ADCY8: variants seen among roughly 807,000 people sequenced by gnomAD.
The protein encoded by ADCY8 is adenylate cyclase 8.
ADCY8 carries 51 observed loss-of-function variants against 119.7 expected under a neutral mutation model. The ratio of observed to expected loss-of-function variants is 0.43; its 90% CI spans 0.34 to 0.54. The LOEUF (loss-of-function observed/expected upper bound fraction) is 0.54, where lower values mean the gene tolerates loss of function less well. Among genes scored for constraint, ADCY8 ranks in the 20% least tolerant of loss-of-function variants. The pLI, the probability that ADCY8 is intolerant of heterozygous loss-of-function variation, is 0.03. For synonymous variants in ADCY8, 665 were observed against 651.0 expected, an observed-to-expected ratio of 1.02 and a Z score of -0.33; for missense variants, 1,383 against 1,598.8, an observed-to-expected ratio of 0.87 and a Z score of 2.30.
At chr8:130,943,497 G>GGGGGGGGGCCC in intron 3 of ADCY8, 35 bp from the exon 4 acceptor site, 2 of 491,354 alleles carry the variant, frequency 4.1e-6, no homozygotes, top group East Asian at 5.4e-5. Context: ...GTGGGGGGAG[G>GGGGGGGGGCCC]AAGTATATTA....
At position 130,873,316 on chromosome 8, in the gene ADCY8, CTCTG is replaced by C. The variant is rs1200923258; in HGVS notation, c.2110-5374_2110-5371del. On this transcript the variant is annotated intron_variant, in intron 8 of 17. Transcript: ENST00000286355. The stretch of plus-strand genomic sequence containing the variant: ...GTTAATTGCCTAAACTGTAACTGTA[CTCTG>C]TCTTTTTTTTTTTTGAGACACGAGT... Among the ~76,000 whole-genome samples the C allele has an allele frequency of 5.3e-5, 8 of 152,034 alleles. No homozygotes were observed. The East Asian group carries it at 1.4e-3, about 26-fold the overall frequency.
intron 3 of ADCY8, among the ~76,000 whole-genome samples, chr8:130,943,892 A>T (rs777395590): frequency 1.1e-4 from 17 of 152,330 alleles, no homozygotes; most frequent in Non-Finnish European, 1.9e-4. Flanking sequence ...AAACCTCATC[A>T]TCTTGAACCC....
At chr8:130,812,852 CAT>C (rs1191248503) in intron 14 of ADCY8, among the ~76,000 whole-genome samples, 26 of 151,894 alleles carry the variant, frequency 1.7e-4, no homozygotes, top group Middle Eastern at 6.9e-3. Context: ...ATGTATCACA[CAT>C]ATATGCATAC....
chr8:130,820,495 G>C (rs1311989667), intron 13 of ADCY8, among the ~76,000 whole-genome samples: 1 of 152,208 alleles, frequency 6.6e-6, no homozygotes, highest in South Asian at 2.1e-4. Context: ...CTCCCCAAGC[G>C]ACGAACGTTC....
chr8:130,983,114 G>A (rs1427774285), intron 2 of ADCY8, among the ~76,000 whole-genome samples: 1 of 152,158 alleles, frequency 6.6e-6, no homozygotes, highest in Non-Finnish European at 1.5e-5. Context: ...CCTCAAAAGG[G>A]ATAATAAAAG....
At chr8:131,039,130 T>C (rs898049064) in intron 1 of ADCY8, among the ~76,000 whole-genome samples, 1 of 152,034 alleles carries the variant, frequency 6.6e-6, no homozygotes, top group Non-Finnish European at 1.5e-5. Flanking sequence ...GATGTCAGAG[T>C]AGAATTACTC....
intron 5 of ADCY8, among the ~76,000 whole-genome samples, chr8:130,926,950 T>C (rs1384946144): frequency 6.6e-6 from 1 of 151,524 alleles, no homozygotes; most frequent in East Asian, 1.9e-4. Context: ...CATATATATA[T>C]ATATATATAT....
chr8:130,900,607 C>G (rs902844030), intron 7 of ADCY8, among the ~76,000 whole-genome samples: 1 of 152,216 alleles, frequency 6.6e-6, no homozygotes, highest in East Asian at 1.9e-4. Context: ...ATGCCATACT[C>G]TAGGCTTCTG....
chr8:130,834,025 T>C (rs1314638123), intron 12 of ADCY8, among the ~76,000 whole-genome samples: 1 of 152,026 alleles, frequency 6.6e-6, no homozygotes, highest in East Asian at 1.9e-4. Flanking sequence ...TACTTGAAAA[T>C]TGCTAAGAGA....
At chr8:130,945,116 A>G (rs1935327543) in intron 3 of ADCY8, among the ~76,000 whole-genome samples, 1 of 152,190 alleles carries the variant, frequency 6.6e-6, no homozygotes, top group Non-Finnish European at 1.5e-5. Context: ...GAATAAGTGT[A>G]TGTATCAAGG....
At chr8:130,816,422 T>TTTTC in intron 13 of ADCY8, among the ~76,000 whole-genome samples, 1 of 109,508 alleles carries the variant, frequency 9.1e-6, no homozygotes, top group South Asian at 3.5e-4. Flanking sequence ...AATTAATTTT[T>TTTTC]TTTTCTTTTT....
intron 7 of ADCY8, among the ~76,000 whole-genome samples, chr8:130,891,540 T>C (rs747080372): frequency 6.6e-6 from 1 of 152,200 alleles, no homozygotes; most frequent in Non-Finnish European, 1.5e-5. Flanking sequence ...ACTTATCATT[T>C]ATTCTTCTTA....
chr8:130,951,878 C>T lies in ADCY8; in HGVS notation c.1231G>A (p.Glu411Lys). The T allele has an allele frequency of 6.2e-7, 1 of 1,614,014 alleles. No homozygotes were observed. The highest frequency in any genetic ancestry group is 8.5e-7 in the Non-Finnish European group (1 of 1,179,958). ...TGTTGTGTTTCTCACCTGACGTTCT[C>T]ATAGCGATGGATGTAGATCCGATGG... ...QFHRIYIHRY[E>K]NVSILFADVK... The change falls in exon 3 of 18, where the codon GAG (glutamate) becomes AAG (lysine). Residue 411 changes from glutamate (E) to lysine (K), a missense_variant. Physicochemically the swap from Glu to Lys is moderately conservative, Grantham distance 56. Coordinates refer to ENST00000286355, the MANE Select transcript of ADCY8 (RefSeq NM_001115.3).
At chr8:130,860,733 C>T (rs781287292) in intron 9 of ADCY8, among the ~76,000 whole-genome samples, 2 of 152,150 alleles carry the variant, frequency 1.3e-5, no homozygotes, top group African/African-American at 2.4e-5. Context: ...ATCAATCCAT[C>T]GTCTAGGTTT....
chr8:130,945,743 T>C (rs6470867), intron 3 of ADCY8, among the ~76,000 whole-genome samples: 21,471 of 152,292 alleles, frequency 0.14, 2,105 homozygotes, highest in African/African-American at 0.28. Flanking sequence ...GTATTACTTG[T>C]AGCTAAAAGC....
intron 17 of ADCY8, among the ~76,000 whole-genome samples, chr8:130,783,255 C>T (rs1031135927): frequency 6.6e-6 from 1 of 152,144 alleles, no homozygotes; most frequent in African/African-American, 2.4e-5. Context: ...ATAGTATCTG[C>T]CATCCTCAGG....
chr8:130,816,177 A>G (rs566253837), intron 13 of ADCY8, among the ~76,000 whole-genome samples: 6 of 152,336 alleles, frequency 3.9e-5, no homozygotes, highest in African/African-American at 4.8e-5. Context: ...TCCATTCAGC[A>G]GAATTTTTAA....
At chr8:130,912,840 T>G (rs1820021450) in intron 5 of ADCY8, among the ~76,000 whole-genome samples, 1 of 152,064 alleles carries the variant, frequency 6.6e-6, no homozygotes, top group Non-Finnish European at 1.5e-5. Context: ...CTACTGACAA[T>G]GAAAACTGTA....
intron 1 of ADCY8, among the ~76,000 whole-genome samples, chr8:131,038,384 T>C (rs1563777628): frequency 1.3e-5 from 2 of 152,204 alleles, no homozygotes; most frequent in Non-Finnish European, 1.5e-5. Flanking sequence ...TCACTTGACA[T>C]GTTTCCCTCA....
Sources: allele counts gnomAD v4.1 joint callset (sites outside exome capture counted in the v4.1 genomes callset), GRCh38; gene constraint gnomAD v4.1.1; transcripts MANE v1.5; gene names NCBI Gene and HGNC (gene_info 2026-07-23, HGNC 2026-07-21).